IRS1: variants seen among roughly 807,000 people sequenced by gnomAD.
IRS1 encodes the protein insulin receptor substrate 1.
IRS1 carries 34 observed loss-of-function variants against 65.6 expected under a neutral mutation model. The ratio of observed to expected loss-of-function variants is 0.52; its 90% confidence interval spans 0.39 to 0.69. The LOEUF (loss-of-function observed/expected upper bound fraction) is 0.69, where lower values mean the gene tolerates loss of function less well. IRS1 is among the 30% of genes least tolerant of loss of function. The pLI is 0.00. For missense variants in IRS1, 1,641 were observed against 1,720.2 expected (o/e 0.95, Z 0.81); for synonymous variants, 699 against 683.5 (o/e 1.02, Z -0.35).
At chr2:226,784,642 C>G (rs1276425619) in intron 1 of IRS1, among the ~76,000 whole-genome samples, 1 of 152,114 alleles carries the variant, frequency 6.6e-6, no homozygotes, top group African/African-American at 2.4e-5. Flanking sequence ...AGGCTGGTCT[C>G]GAACTCCTGA....
intron 1 of IRS1, among the ~76,000 whole-genome samples, chr2:226,766,400 G>A (rs1939049811): frequency 6.6e-6 from 1 of 151,182 alleles, no homozygotes; most frequent in South Asian, 2.1e-4. Context: ...CTGGCCTCAA[G>A]TGATCCACTT....
chr2:226,767,380 A>G (rs972809162), intron 1 of IRS1, among the ~76,000 whole-genome samples: 1 of 152,196 alleles, frequency 6.6e-6, no homozygotes, highest in Admixed American at 6.5e-5. Flanking sequence ...TTTCCAAAAT[A>G]AAAAAAGGCC....
chr2:226,798,749 C>A lies in IRS1; in HGVS notation c.-11G>T, dbSNP rs1260155917. On this transcript the variant is annotated 5_prime_UTR_variant, in exon 1 of 2. Transcript: ENST00000305123. The surrounding 1 kb of genome is among the most constrained non-coding windows in gnomAD (Gnocchi z 9.4). Reference sequence around the variant, plus strand: ...CGGAGGGCTCGCCATGCTGCCACCGCCACCACCAACGCTGAGCAGAGGGAG... The same window carrying A: ...CGGAGGGCTCGCCATGCTGCCACCGACACCACCAACGCTGAGCAGAGGGAG... The A allele has an allele frequency of 6.2e-7, 1 of 1,608,714 alleles. No homozygotes were observed. Among genetic ancestry groups the A allele is most frequent in the South Asian group, 1.1e-5 (1 of 90,738 alleles).
At chr2:226,754,054 A>G (rs985330315) in intron 1 of IRS1, among the ~76,000 whole-genome samples, 4 of 152,158 alleles carry the variant, frequency 2.6e-5, no homozygotes, top group Admixed American at 2.6e-4. Context: ...GGGTCTCAGC[A>G]CGTTGGCTAG....
rs570459331 is a variant in IRS1 at position 226,735,712 on chromosome 2, C to G, written c.*560G>C. ...ATTTGCTCCACTCTTTACAACAGAA[C>G]ATTGTATACCTCCATCCCACATCCA... On this transcript the variant is annotated 3_prime_UTR_variant, in exon 2 of 2. Transcript: ENST00000305123. 1 of 152,724 alleles carries G rather than the reference C, an allele frequency of 6.5e-6. No homozygotes were observed. The highest frequency in any genetic ancestry group is 2.4e-5 in the African/African-American group (1 of 41,574). The allele number at this position is 152,724 out of a possible 1,614,324, so 9.5% of individuals were successfully genotyped here. A position where few individuals can be genotyped will look rare whatever the true frequency, so the allele number is the denominator to read the frequency against.
At position 226,795,518 on chromosome 2, in the gene IRS1, C is replaced by T. The variant is rs146268112; in HGVS notation, c.3221G>A (p.Arg1074Gln). 945 of 1,613,400 alleles carry T rather than the reference C, an allele frequency of 5.9e-4. 6 individuals carry two copies. The African/African-American group carries it at 0.011, about 19-fold the overall frequency. Residue 1074 changes from arginine (R) to glutamine (Q), a missense_variant, in exon 1 of 2, where the codon CGG (arginine) becomes CAG (glutamine). Arg to Gln is a conservative substitution (Grantham distance 43). Transcript: ENST00000305123. ...QGPGGMSAFT[R>Q]VNLSPNRNQS... ...GTTGCGGTTAGGACTGAGGTTCACCCGGGTGAAGGCGCTCATGCCCCCAGG... is the reference window on the plus strand; with the variant it reads ...GTTGCGGTTAGGACTGAGGTTCACCTGGGTGAAGGCGCTCATGCCCCCAGG...
intron 1 of IRS1, among the ~76,000 whole-genome samples, chr2:226,753,016 T>C (rs1180383986): frequency 6.6e-6 from 1 of 152,194 alleles, no homozygotes; most frequent in Non-Finnish European, 1.5e-5. Flanking sequence ...GACCATCAAT[T>C]CACTCTATCC....
intron 1 of IRS1, among the ~76,000 whole-genome samples, chr2:226,744,336 G>C (rs916362413): frequency 4.6e-5 from 7 of 152,200 alleles, no homozygotes; most frequent in Non-Finnish European, 1.0e-4. Context: ...ACAACCATGA[G>C]GTACCTCAGC....
Position 226,796,898 on chromosome 2 carries a change from G to A in IRS1, c.1841C>T (p.Pro614Leu). The change falls in exon 1 of 2, where the codon CCC becomes CTC. Residue 614 changes from proline (P) to leucine (L), a missense_variant. Pro to Leu is a moderately conservative substitution (Grantham distance 98). Coordinates refer to ENST00000305123, the MANE Select transcript of IRS1 (RefSeq NM_005544.3). ...STLHTDDGYM[P>L]MSPGVAPVPS... Reference sequence around the variant, plus strand: ...CACTGGGGCCACCCCTGGGGACATGGGCATGTAGCCATCATCCGTGTGGAG... The same window carrying A: ...CACTGGGGCCACCCCTGGGGACATGAGCATGTAGCCATCATCCGTGTGGAG... 6.5e-7 allele frequency: 1 copy of A among 1,541,556 alleles called. No individual in the cohort carries two copies. The highest frequency in any genetic ancestry group is 8.7e-7 in the Non-Finnish European group (1 of 1,143,170).
intron 1 of IRS1, among the ~76,000 whole-genome samples, chr2:226,741,010 A>G (rs1475000016): frequency 6.6e-6 from 1 of 152,154 alleles, no homozygotes; most frequent in African/African-American, 2.4e-5. Context: ...TAAAAAAAAA[A>G]GTATCTTGAA....
chr2:226,761,191 G>C (rs1337765417), intron 1 of IRS1, among the ~76,000 whole-genome samples: 1 of 152,222 alleles, frequency 6.6e-6, no homozygotes, highest in Non-Finnish European at 1.5e-5. Flanking sequence ...GCAGGAATAT[G>C]ACTATATAGA....
rs748621246 is a variant in IRS1, at chr2:226,796,162, C to T, written c.2577G>A (p.Thr859=). The change falls in exon 1 of 2, where the codon ACG becomes ACA. Residue 859 remains threonine, a synonymous_variant. Transcript: ENST00000305123. ...CCTTGGGATCCCCCAGGGACAGCCT[C>T]GTGGGCCGGGCCAGGCGGCTATTGG... The part of the protein sequence containing the change: ...AQTNSRLARP[T]RLSLGDPKAS... 9 of 1,613,672 alleles carry T rather than the reference C, an allele frequency of 5.6e-6. No homozygotes were observed. The highest frequency in any genetic ancestry group is 3.3e-5 in the Admixed American group (2 of 60,024).
At chr2:226,740,264 T>C (rs2106157802) in intron 1 of IRS1, among the ~76,000 whole-genome samples, 1 of 152,344 alleles carries the variant, frequency 6.6e-6, no homozygotes, top group South Asian at 2.1e-4. Flanking sequence ...CATCACCACA[T>C]CAGTATCTAC....
Position 226,796,665 on chromosome 2 carries a change from C to A in IRS1, c.2074G>T (p.Gly692Trp), listed in dbSNP as rs367626263. The part of the protein sequence containing the change: ...SSSSSNAVPS[G>W]TSYGKLWTNG... ...GTCCACAGCTTTCCATAGCTGGTCCCGGAAGGGACGGCGTTGCTGCTGCTG... is the reference window on the plus strand; with the variant it reads ...GTCCACAGCTTTCCATAGCTGGTCCAGGAAGGGACGGCGTTGCTGCTGCTG... Residue 692 changes from glycine to tryptophan, a missense_variant, in exon 1 of 2, where the codon GGG becomes TGG. Gly to Trp is a radical substitution (Grantham distance 184). Around this residue, in one of 3 missense-constraint regions of IRS1, gnomAD observed 1,324 missense variants for 1,361.0 expected, o/e 0.97. Coordinates refer to ENST00000305123, the MANE Select transcript of IRS1 (RefSeq NM_005544.3). 1 of 1,613,656 alleles carries A rather than the reference C, an allele frequency of 6.2e-7. No homozygotes were observed. Among genetic ancestry groups the A allele is most frequent in the Non-Finnish European group, 8.5e-7 (1 of 1,179,830 alleles).
chr2:226,784,588 A>C (rs1386547130), intron 1 of IRS1, among the ~76,000 whole-genome samples: 2 of 151,750 alleles, frequency 1.3e-5, no homozygotes, highest in African/African-American at 4.8e-5. Flanking sequence ...ACGTGCAGCT[A>C]ATTTTTGTAT....
chr2:226,747,694 C>G (rs1938577596), intron 1 of IRS1, among the ~76,000 whole-genome samples: 1 of 152,150 alleles, frequency 6.6e-6, no homozygotes, highest in South Asian at 2.1e-4. Flanking sequence ...TCCATCTGGC[C>G]TTTGGCAGAA....
At chr2:226,767,473 A>C (rs2106170069) in intron 1 of IRS1, among the ~76,000 whole-genome samples, 1 of 152,232 alleles carries the variant, frequency 6.6e-6, no homozygotes, top group Admixed American at 6.5e-5. Context: ...CTTACACCCC[A>C]CCCCCAACAA....
At chr2:226,743,084 A>T (rs944570182) in intron 1 of IRS1, among the ~76,000 whole-genome samples, 2 of 152,148 alleles carry the variant, frequency 1.3e-5, no homozygotes, top group Non-Finnish European at 2.9e-5. Flanking sequence ...TGCAAATCAA[A>T]ATGTTTCCAA....
In IRS1 at chr2:226,735,238, C is replaced by A. The variant is rs1480506868; in HGVS notation, c.*1034G>T. Reference sequence around the variant, plus strand: ...GGACAGAAGAAAAGATCAACAGTATCTAGTTTATTATGAATAGAAAGACAT... The same window carrying A: ...GGACAGAAGAAAAGATCAACAGTATATAGTTTATTATGAATAGAAAGACAT... On this transcript the variant is annotated 3_prime_UTR_variant, in exon 2 of 2. Transcript: ENST00000305123. 6.6e-6 allele frequency: 1 copy of A among 152,118 alleles called. No individual in the cohort carries two copies. The highest frequency in any genetic ancestry group is 1.5e-5 in the Non-Finnish European group (1 of 68,012). The allele number at this position is 152,118 out of a possible 1,614,324, so 9.4% of individuals were successfully genotyped here.
Sources: gnomAD v4.1 joint callset for allele counts (sites outside exome capture counted in the v4.1 genomes callset) on GRCh38, gnomAD v4.1.1 for gene constraint, gnomAD v4.1.1 regional missense constraint, Gnocchi (gnomAD v3.1) non-coding constraint, MANE v1.5 for transcripts, NCBI Gene and HGNC (gene_info 2026-07-23, HGNC 2026-07-21) for gene names.